The following RPS6KA2 variants were observed in gnomAD, a reference collection of about 807,000 sequenced individuals.
The protein encoded by RPS6KA2 is ribosomal protein S6 kinase A2, also known as ribosomal protein S6 kinase alpha-2.
Under a neutral mutation model 91.8 loss-of-function variants are expected in RPS6KA2, and 42 were observed. That is an observed-to-expected ratio of 0.46 (90% confidence interval 0.36 to 0.59). The LOEUF (loss-of-function observed/expected upper bound fraction) is 0.59. Among genes scored for constraint, RPS6KA2 ranks in the 20% least tolerant of loss-of-function variants. RPS6KA2 has a pLI of 0.00. For missense variants in RPS6KA2, 798 were observed against 978.5 expected (o/e 0.82, Z 2.46); for synonymous variants, 414 against 393.6 (o/e 1.05, Z -0.61).
At chr6:166,689,843 C>T (rs547216688) in intron 2 of RPS6KA2, among the ~76,000 whole-genome samples, 8 of 152,340 alleles carry the variant, frequency 5.3e-5, no homozygotes, top group Non-Finnish European at 1.2e-4. Context: ...GTGCACACAC[C>T]GAGGACACCA....
chr6:166,668,434 G>C (rs900810892), intron 2 of RPS6KA2, among the ~76,000 whole-genome samples: 1 of 152,154 alleles, frequency 6.6e-6, no homozygotes, highest in Non-Finnish European at 1.5e-5. Flanking sequence ...GCAGGGACTC[G>C]GCATCTGAAC....
chr6:166,440,329 A>G (rs1299436216), intron 14 of RPS6KA2: 2 of 152,164 alleles, frequency 1.3e-5, no homozygotes, highest in Non-Finnish European at 2.9e-5. Context: ...CCTCCGCCGC[A>G]TGCCTGCTGG....
intron 2 of RPS6KA2, among the ~76,000 whole-genome samples, chr6:166,658,751 A>T (rs534432803): frequency 6.6e-6 from 1 of 152,276 alleles, no homozygotes; most frequent in South Asian, 2.1e-4. Flanking sequence ...TCTGACCTTC[A>T]TCTGTGCAAG....
intron 2 of RPS6KA2, among the ~76,000 whole-genome samples, chr6:166,800,193 C>T (rs952370800): frequency 6.6e-6 from 1 of 152,198 alleles, no homozygotes; most frequent in Non-Finnish European, 1.5e-5. Context: ...TCCCAGATGA[C>T]AGTACCCTCT....
At chr6:166,439,100 T>TTTAA (rs36181462) in intron 14 of RPS6KA2, among the ~76,000 whole-genome samples, 72,082 of 135,562 alleles carry the variant, frequency 0.53, 18,349 homozygotes, top group Non-Finnish European at 0.65. Flanking sequence ...TGTCTTTATT[T>TTTAA]TTAATTAATT....
chr6:166,485,974 C>T (rs1781394140), intron 10 of RPS6KA2, among the ~76,000 whole-genome samples: 2 of 152,338 alleles, frequency 1.3e-5, no homozygotes, highest in Admixed American at 6.5e-5. Context: ...GCTGCGTTTC[C>T]TGAGCCGAGT....
intron 2 of RPS6KA2, chr6:166,702,202 G>A (rs1277756533): frequency 8.7e-6 from 14 of 1,607,604 alleles, no homozygotes; most frequent in Non-Finnish European, 8.5e-7. Context: ...TTCCTATAAT[G>A]GCTCCAACAA....
intron 1 of RPS6KA2, among the ~76,000 whole-genome samples, chr6:166,565,057 C>A (rs1035652597): frequency 1.3e-5 from 2 of 152,208 alleles, no homozygotes; most frequent in African/African-American, 4.8e-5. Flanking sequence ...ACACCAAGAG[C>A]CACTTGGCGA....
intron 8 of RPS6KA2, among the ~76,000 whole-genome samples, chr6:166,497,854 C>T (rs1268917989): frequency 2.0e-5 from 3 of 152,188 alleles, no homozygotes; most frequent in Non-Finnish European, 4.4e-5. Context: ...GGCCGGAGGG[C>T]GGGATACCCC....
chr6:166,510,348 C>G lies in RPS6KA2; in HGVS notation c.308G>C (p.Arg103Pro), dbSNP rs749147718. ...LKKATLKVRD[R>P]VRSKMERDIL... ...GTCTCTCTCCATCTTCGATCTCACT[C>G]GGTCCCGAACTGCAAAGTAAAAAGA... The change falls in exon 4 of 21, where the codon CGA becomes CCA. Residue 103 changes from arginine (R) to proline (P), a missense_variant. Coordinates refer to ENST00000265678, the MANE Select transcript of RPS6KA2 (RefSeq NM_021135.6). The G allele has an allele frequency of 6.3e-7, 1 of 1,588,260 alleles. No individual in the cohort carries two copies. Among genetic ancestry groups the G allele is most frequent in the Non-Finnish European group, 8.6e-7 (1 of 1,164,200 alleles).
Position 166,821,868 on chromosome 6 carries a change from G to A in RPS6KA2, c.123+36332C>T, listed in dbSNP as rs977933905. On this transcript the variant is annotated intron_variant, in intron 2 of 21. Transcript: ENST00000503859. This position sits in a 1 kb window ranked among gnomAD's most constrained non-coding sequence, Gnocchi z 4.1. ...TGTGTTGGATTCCCCACTCAGACACGCTCTTCTCTCCTTCTTCCCCTTCTC... is the reference window on the plus strand; with the variant it reads ...TGTGTTGGATTCCCCACTCAGACACACTCTTCTCTCCTTCTTCCCCTTCTC... Among the ~76,000 whole-genome samples, 3 of 152,010 alleles carry A rather than the reference G, an allele frequency of 2.0e-5. No individual in the cohort carries two copies. The highest frequency in any genetic ancestry group is 2.4e-5 in the African/African-American group (1 of 41,372).
In RPS6KA2 at chr6:166,689,151, C is replaced by T. The variant is rs188860361; in HGVS notation, c.124-150367G>A. Reference sequence around the variant, plus strand: ...CTGGAGGCTGCGCCAAAAGCGCTCCCCTACCAAAGCCCTCGCTTTCTCAGT... The same window carrying T: ...CTGGAGGCTGCGCCAAAAGCGCTCCTCTACCAAAGCCCTCGCTTTCTCAGT... On this transcript the variant is annotated intron_variant, in intron 2 of 21. Coordinates refer to the RPS6KA2 transcript ENST00000503859. Among the ~76,000 whole-genome samples, 98 of 152,358 alleles carry T rather than the reference C, an allele frequency of 6.4e-4. 2 individuals are homozygous for T. The Middle Eastern group carries it at 0.01, about 16-fold the overall frequency.
chr6:166,460,811 A>G (rs1031110016), intron 11 of RPS6KA2: 7 of 152,266 alleles, frequency 4.6e-5, no homozygotes, highest in African/African-American at 1.4e-4. Flanking sequence ...TCAGTTCTGG[A>G]CTCAGGGACC....
intron 3 of RPS6KA2, among the ~76,000 whole-genome samples, chr6:166,510,576 T>C (rs1782437573): frequency 1.0e-4 from 4 of 39,008 alleles, no homozygotes; most frequent in African/African-American, 2.9e-4. Flanking sequence ...TATATATATA[T>C]ATATATATAT....
chr6:166,810,045 T>C (rs1156976088), intron 2 of RPS6KA2, among the ~76,000 whole-genome samples: 1 of 152,176 alleles, frequency 6.6e-6, no homozygotes, highest in Non-Finnish European at 1.5e-5. Flanking sequence ...CTTACAATCA[T>C]GGCAGAAGAC....
rs34671882 is a variant in RPS6KA2 at position 166,488,089 on chromosome 6, T to TAA, written c.907+742_907+743dup. On this transcript the variant is annotated intron_variant, in intron 10 of 20. Coordinates refer to ENST00000265678, the MANE Select transcript of RPS6KA2 (RefSeq NM_021135.6). ...GTCTTCTATCTATGAGGTTAGAGTT[T>TAA]AAAAAAAAACAGAATTTAATGTGTT... Among the ~76,000 whole-genome samples the TAA allele has an allele frequency of 1.2e-3, 181 of 151,364 alleles. No homozygotes were observed. In the Middle Eastern group the frequency reaches 0.014, roughly 11 times the overall value.
chr6:166,830,389 CAG>C (rs1780156991), intron 2 of RPS6KA2, among the ~76,000 whole-genome samples: 1 of 152,086 alleles, frequency 6.6e-6, no homozygotes, highest in African/African-American at 2.4e-5. Context: ...TTTTAACAGG[CAG>C]AGAGTTTCAG....
At chr6:166,776,232 T>A (rs143132796) in intron 2 of RPS6KA2, among the ~76,000 whole-genome samples, 41 of 152,230 alleles carry the variant, frequency 2.7e-4, no homozygotes, top group Non-Finnish European at 4.4e-4. Context: ...AAGTGGTGGA[T>A]AAAACACAAC....
chr6:166,704,951 GT>G (rs1160463669), intron 2 of RPS6KA2, among the ~76,000 whole-genome samples: 2 of 152,132 alleles, frequency 1.3e-5, no homozygotes, highest in East Asian at 3.8e-4. Flanking sequence ...TAATATTGTG[GT>G]TTGTGCTCTG....
Sources: gnomAD v4.1 joint callset for allele counts (sites outside exome capture counted in the v4.1 genomes callset) on GRCh38, gnomAD v4.1.1 for gene constraint, Gnocchi (gnomAD v3.1) non-coding constraint, MANE v1.5 for transcripts, NCBI Gene and HGNC (gene_info 2026-07-23, HGNC 2026-07-21) for gene names.